KDM4C: variants seen among roughly 807,000 people sequenced by gnomAD.
KDM4C encodes the protein lysine demethylase 4C, also known as lysine-specific demethylase 4C.
A neutral mutation model predicts 129.3 loss-of-function variants in KDM4C; 81 were observed. That is an observed-to-expected ratio of 0.63 (90% confidence interval 0.52 to 0.75). The LOEUF is 0.75. KDM4C is among the 30% of genes least tolerant of loss of function. KDM4C has a pLI of 0.00. For synonymous variants in KDM4C, 573 were observed against 456.1 expected, an observed-to-expected ratio of 1.26 and a Z score of -3.26; for missense variants, 1,457 against 1,304.0, an observed-to-expected ratio of 1.12 and a Z score of -1.81.
intron 20 of KDM4C, among the ~76,000 whole-genome samples, chr9:7,167,834 GTGTT>G (rs1203374517): frequency 6.6e-6 from 1 of 152,210 alleles, no homozygotes. Flanking sequence ...ACTCAAGAGA[GTGTT>G]TGCTTAGTGC....
In KDM4C at chr9:6,984,361, G is replaced by A. The variant is rs1237014544; in HGVS notation, c.1311G>A (p.Arg437=). ...ASSEEESSAS[R]MQVEQNLSDH... is the part of the protein sequence containing the mutation. ...CAGAAGAAGAGTCATCTGCTAGCAG[G>A]ATGCAGGTGGAGCAGAATTTATCAG... is the stretch of plus-strand genomic sequence containing the variant. Residue 437 remains arginine, a synonymous_variant, in exon 10 of 22, where the codon AGG becomes AGA. Transcript: ENST00000381309. The A allele has an allele frequency of 1.9e-6, 3 of 1,613,858 alleles. No homozygotes were observed. The highest frequency in any genetic ancestry group is 2.5e-6 in the Non-Finnish European group (3 of 1,179,780).
In KDM4C at chr9:6,916,851, T is replaced by G. The variant is rs910406418; in HGVS notation, c.921+23619T>G. ...TAGGTTCTATTTTGGCTAAGCAACT[T>G]TCAAAGCAACAGCACTGTATTTTTC... On this transcript the variant is annotated intron_variant, in intron 8 of 21. Coordinates refer to ENST00000381309, the MANE Select transcript of KDM4C (RefSeq NM_015061.6). Among the ~76,000 whole-genome samples the G allele has an allele frequency of 2.0e-5, 3 of 152,214 alleles. No individual in the cohort carries two copies. The East Asian group carries it at 5.8e-4, about 29-fold the overall frequency.
chr9:6,873,825 T>C (rs1246642185), intron 5 of KDM4C, among the ~76,000 whole-genome samples: 3 of 152,172 alleles, frequency 2.0e-5, no homozygotes, highest in Admixed American at 2.0e-4. Flanking sequence ...AATGCCCTCC[T>C]TACTAAGCTA....
intron 12 of KDM4C, among the ~76,000 whole-genome samples, chr9:6,997,692 G>T (rs1419832089): frequency 6.6e-6 from 1 of 152,190 alleles, no homozygotes; most frequent in East Asian, 1.9e-4. Flanking sequence ...CTTTGGGTAA[G>T]CCCTCTCTCT....
chr9:7,039,016 A>G (rs1303493038), intron 15 of KDM4C, among the ~76,000 whole-genome samples: 1 of 151,736 alleles, frequency 6.6e-6, no homozygotes, highest in Non-Finnish European at 1.5e-5. Context: ...ATTATGTTGT[A>G]TTTTATTCTT....
chr9:7,051,642 T>G (rs1309045869), intron 17 of KDM4C, among the ~76,000 whole-genome samples: 1 of 152,184 alleles, frequency 6.6e-6, no homozygotes, highest in Non-Finnish European at 1.5e-5. Context: ...TCTGCCTATT[T>G]CATAAATATA....
chr9:6,831,107 T>C (rs1002982691), intron 4 of KDM4C, among the ~76,000 whole-genome samples: 11 of 152,354 alleles, frequency 7.2e-5, no homozygotes, highest in Admixed American at 3.9e-4. Context: ...GTTATTTTTT[T>C]TCTTATTTTA....
chr9:6,912,113 G>T (rs1054960888), intron 8 of KDM4C, among the ~76,000 whole-genome samples: 1 of 152,200 alleles, frequency 6.6e-6, no homozygotes, highest in Non-Finnish European at 1.5e-5. Context: ...TCAAGGTGCA[G>T]GCAGAGCCAG....
chr9:6,781,179 G>C (rs1406835583), intron 1 of KDM4C, among the ~76,000 whole-genome samples: 1 of 152,016 alleles, frequency 6.6e-6, no homozygotes, highest in Non-Finnish European at 1.5e-5. Context: ...TTGGGGCAGG[G>C]GATTTTTCTG....
At chr9:6,925,175 G>A (rs1822249696) in intron 8 of KDM4C, 4 of 985,328 alleles carry the variant, frequency 4.1e-6, no homozygotes, top group Non-Finnish European at 4.8e-6. Flanking sequence ...ATCATCGTGC[G>A]TAAACATCCA....
At chr9:6,834,533 C>A (rs1165676521) in intron 4 of KDM4C, 2 of 671,948 alleles carry the variant, frequency 3.0e-6, no homozygotes, top group South Asian at 1.5e-5. Flanking sequence ...GTGACGATGA[C>A]CCCCGGCCGT....
chr9:6,770,637 A>C (rs550244072), intron 1 of KDM4C, among the ~76,000 whole-genome samples: 5 of 150,450 alleles, frequency 3.3e-5, no homozygotes, highest in African/African-American at 1.2e-4. Context: ...TCTCTAAAAT[A>C]GTATTTCTTG....
chr9:7,019,744 A>ATATTATAAAAAT (rs1563993223), intron 15 of KDM4C, among the ~76,000 whole-genome samples: 106 of 90,100 alleles, frequency 1.2e-3, no homozygotes, highest in Non-Finnish European at 1.9e-3. Context: ...ATAAAAATAT[A>ATATTATAAAAAT]ATATTTTTAT....
chr9:6,847,314 G>A (rs62535661), intron 4 of KDM4C, among the ~76,000 whole-genome samples: 28,797 of 152,058 alleles, frequency 0.19, 2,873 homozygotes, highest in East Asian at 0.26. Flanking sequence ...AGATTGCATC[G>A]CTATAAATAG....
intron 1 of KDM4C, among the ~76,000 whole-genome samples, chr9:6,737,677 A>C (rs1323474810): frequency 6.6e-6 from 1 of 150,616 alleles, no homozygotes; most frequent in East Asian, 1.9e-4. Context: ...AAAAAAAAAA[A>C]AAAAAAAAAG....
intron 8 of KDM4C, among the ~76,000 whole-genome samples, chr9:6,894,285 A>C (rs555717347): frequency 6.6e-6 from 1 of 152,370 alleles, no homozygotes; most frequent in South Asian, 2.1e-4. Context: ...CATAAAGGAA[A>C]GCCCCTGGTA....
At chr9:6,735,346 G>T (rs1817494076) in intron 1 of KDM4C, among the ~76,000 whole-genome samples, 1 of 152,160 alleles carries the variant, frequency 6.6e-6, no homozygotes, top group Admixed American at 6.6e-5. Context: ...ATCTAAAAAG[G>T]GCTTGTTGTT....
chr9:6,801,775 A>G (rs373815573), intron 2 of KDM4C, among the ~76,000 whole-genome samples: 12 of 152,146 alleles, frequency 7.9e-5, no homozygotes, highest in African/African-American at 2.9e-4. Context: ...GCAATAGTAA[A>G]ATGATAAAGA....
chr9:6,861,823 T>A (rs1337841254), intron 5 of KDM4C, among the ~76,000 whole-genome samples: 7 of 151,850 alleles, frequency 4.6e-5, no homozygotes, highest in Non-Finnish European at 1.0e-4. Context: ...TTGCCCAGGC[T>A]GCAGTGCAAT....
Sources: allele counts gnomAD v4.1 joint callset (sites outside exome capture counted in the v4.1 genomes callset), GRCh38; gene constraint gnomAD v4.1.1; transcripts MANE v1.5; gene names NCBI Gene and HGNC (gene_info 2026-07-23, HGNC 2026-07-21).